Variants in FANCI observed in about 807,000 individuals in gnomAD.
FANCI encodes the protein FA complementation group I, also known as Fanconi anemia group I protein.
FANCI carries 156 observed loss-of-function variants against 176.1 expected under a neutral mutation model. The observed-to-expected ratio is 0.89, with a 90% CI of 0.78 to 1.01. FANCI has a LOEUF of 1.01. Among genes scored for constraint, FANCI ranks in the 50% least tolerant of loss-of-function variants. The pLI, the probability that FANCI is intolerant of heterozygous loss-of-function variation, is 0.00. For missense variants in FANCI, 1,678 were observed against 1,534.1 expected (o/e 1.09, Z -1.57); for synonymous variants, 613 against 541.7 (o/e 1.13, Z -1.83).
rs199615501 is a variant in FANCI at position 89,292,793 on chromosome 15, G to A, written c.2098G>A (p.Glu700Lys). 23 of 1,613,942 alleles carry A rather than the reference G, an allele frequency of 1.4e-5. No homozygotes were observed. Among genetic ancestry groups the A allele is most frequent in the Middle Eastern group, 1.6e-4 (1 of 6,084 alleles). ...AGAGGAGGAGGAAGAGGCATTCTACGAAGACCTAGATGATATATTGGAGTC... is the reference window on the plus strand; with the variant it reads ...AGAGGAGGAGGAAGAGGCATTCTACAAAGACCTAGATGATATATTGGAGTC... ...EEEEEEEAFYEDLDDILESIT... is the reference protein window; with the variant it reads ...EEEEEEEAFYKDLDDILESIT... Residue 700 changes from glutamate to lysine, a missense_variant, in exon 21 of 38, where the codon GAA becomes AAA. Glu to Lys is a moderately conservative substitution (Grantham distance 56, BLOSUM62 1). Around this residue, in one of 3 missense-constraint regions of FANCI, gnomAD observed 1,204 missense variants for 1,077.4 expected, o/e 1.12. Coordinates refer to ENST00000310775, the MANE Select transcript of FANCI (RefSeq NM_001113378.2).
At chr15:89,267,787 C>T (rs901174474) in intron 9 of FANCI, among the ~76,000 whole-genome samples, 1 of 152,128 alleles carries the variant, frequency 6.6e-6, no homozygotes, top group Non-Finnish European at 1.5e-5. Flanking sequence ...ATTAGCCGGG[C>T]ATAGTGGCAC....
At chr15:89,253,479 C>T (rs552525603) in intron 2 of FANCI, among the ~76,000 whole-genome samples, 4 of 151,934 alleles carry the variant, frequency 2.6e-5, no homozygotes, top group Admixed American at 2.0e-4. Context: ...TGCCACTGCA[C>T]TTCAACGGGT....
chr15:89,259,775 T>C lies in FANCI; in HGVS notation c.158-938T>C, dbSNP rs146970691. On this transcript the variant is annotated intron_variant, in intron 3 of 37. Transcript: ENST00000310775. ...TATGGTCCTTTGTGACTGACTTCTTTCGTTTATAATGTTACAAAGGTTCCT... is the reference window on the plus strand; with the variant it reads ...TATGGTCCTTTGTGACTGACTTCTTCCGTTTATAATGTTACAAAGGTTCCT... Among the ~76,000 whole-genome samples, 4 of 152,366 alleles carry C rather than the reference T, an allele frequency of 2.6e-5. No individual in the cohort carries two copies. The East Asian group carries it at 7.7e-4, about 29-fold the overall frequency.
chr15:89,285,503 C>T (rs1008620363), intron 18 of FANCI, among the ~76,000 whole-genome samples: 3 of 152,038 alleles, frequency 2.0e-5, no homozygotes, highest in Non-Finnish European at 2.9e-5. Context: ...GGCATGCGCC[C>T]GTGGTCCCAG....
intron 11 of FANCI, 82 bp from the exon 12 acceptor site, chr15:89,274,086 T>C: frequency 9.0e-7 from 1 of 1,117,170 alleles, no homozygotes; most frequent in South Asian, 1.5e-5. Context: ...ATTTGCTTTA[T>C]TTTCTTATTT....
At position 89,282,344 on chromosome 15, in the gene FANCI, G is replaced by C. The variant is rs374044119; in HGVS notation, c.1583+509G>C. ...CTGAATTATGATCTAGAGGCTAGTA[G>C]ATCAAATTAATTGTTGAGGGGAATG... On this transcript the variant is annotated intron_variant, in intron 16 of 37. Transcript: ENST00000310775. The C allele has an allele frequency of 2.4e-5, 4 of 168,162 alleles. No individual in the cohort carries two copies. The East Asian group carries it at 6.4e-4, about 27-fold the overall frequency. The allele number at this position is 168,162 out of a possible 1,614,324, so 10.4% of individuals were successfully genotyped here. A position where few individuals can be genotyped will look rare whatever the true frequency, so the allele number is the denominator to read the frequency against.
chr15:89,315,270 A>C lies in FANCI; in HGVS notation c.3817-12A>C. 6.2e-7 allele frequency: 1 copy of C among 1,602,944 alleles called. No individual in the cohort carries two copies. The highest frequency in any genetic ancestry group is 8.5e-7 in the Non-Finnish European group (1 of 1,169,766). On this transcript the variant is annotated splice_polypyrimidine_tract_variant and intron_variant, in intron 36 of 37. Transcript: ENST00000310775. ...AGTAGGGAGATGTCCCATGCTTACAATCTTGTCATAGGTGAACCTGATGCA... is the reference window on the plus strand; with the variant it reads ...AGTAGGGAGATGTCCCATGCTTACACTCTTGTCATAGGTGAACCTGATGCA...
At chr15:89,295,487 G>A (rs1016395949) in intron 24 of FANCI, among the ~76,000 whole-genome samples, 5 of 151,944 alleles carry the variant, frequency 3.3e-5, no homozygotes, top group Non-Finnish European at 5.9e-5. Flanking sequence ...CCAACATGGA[G>A]AAACCCTATC....
Position 89,244,520 on chromosome 15 carries a change from G to T in FANCI, c.-20+487G>T, listed in dbSNP as rs374538852. 4.3e-4 allele frequency among the ~76,000 whole-genome samples: 66 copies of T among 152,268 alleles called. No homozygotes were observed. The East Asian group carries it at 7.9e-3, about 18-fold the overall frequency. ...TCTCTTGGCAAGGAATCTACTTCGC[G>T]TTCAGGGAATTCACAGCCACCCGCC... On this transcript the variant is annotated intron_variant, in intron 1 of 37. Coordinates refer to ENST00000310775, the MANE Select transcript of FANCI (RefSeq NM_001113378.2).
In FANCI at chr15:89,308,776, C is replaced by T. The variant is rs530613552; in HGVS notation, c.3651+1104C>T. On this transcript the variant is annotated intron_variant, in intron 34 of 37. Coordinates refer to ENST00000310775, the MANE Select transcript of FANCI (RefSeq NM_001113378.2). ...CCTGGCCAACATGGTGAAACCCCAT[C>T]TCTACAAAAAATACAAAAAATTAGC... 4.6e-5 allele frequency among the ~76,000 whole-genome samples: 7 copies of T among 152,140 alleles called. No individual in the cohort carries two copies. The East Asian group carries it at 1.4e-3, about 29-fold the overall frequency.
chr15:89,274,009 G>C (rs1334466599), intron 11 of FANCI, among the ~76,000 whole-genome samples, 159 bp from the exon 12 acceptor site: 1 of 152,094 alleles, frequency 6.6e-6, no homozygotes, highest in East Asian at 1.9e-4. Flanking sequence ...TTGTCATAGG[G>C]ATATATGTGA....
In FANCI at chr15:89,264,128, C is replaced by T. The variant is rs1368545181; in HGVS notation, c.669+102C>T. The T allele has an allele frequency of 1.2e-5, 15 of 1,277,080 alleles. No homozygotes were observed. In the East Asian group the frequency reaches 1.4e-4, roughly 12 times the overall value. 79.1% of individuals were successfully genotyped at this position (1,277,080 alleles called of 1,614,324 possible). On this transcript the variant is annotated intron_variant, in intron 8 of 37. Transcript: ENST00000310775. ...GTTTATATAGCAGAGCAAACATAGC[C>T]GAACATAGATGCTTTCATTTCACGT... is the stretch of plus-strand genomic sequence containing the variant.
chr15:89,313,304 AC>A (rs2055042661), intron 35 of FANCI, among the ~76,000 whole-genome samples: 1 of 152,204 alleles, frequency 6.6e-6, no homozygotes, highest in South Asian at 2.1e-4. Context: ...TATATGAATT[AC>A]AGCTCTATCA....
intron 2 of FANCI, among the ~76,000 whole-genome samples, chr15:89,253,832 A>G (rs2052378048): frequency 6.6e-6 from 1 of 151,784 alleles, no homozygotes; most frequent in Non-Finnish European, 1.5e-5. Context: ...GGCAAAAAAC[A>G]TGAGAATAAT....
At chr15:89,287,929 G>T (rs181519020) in intron 18 of FANCI, among the ~76,000 whole-genome samples, 253 of 152,068 alleles carry the variant, frequency 1.7e-3, no homozygotes, top group African/African-American at 5.7e-3. Flanking sequence ...ATTTATCATA[G>T]ATCCCCATAA....
At chr15:89,252,962 T>C (rs2052327034) in intron 2 of FANCI, among the ~76,000 whole-genome samples, 1 of 152,182 alleles carries the variant, frequency 6.6e-6, no homozygotes, top group African/African-American at 2.4e-5. Flanking sequence ...GCAAAATTCA[T>C]ATAGCAAATT....
intron 10 of FANCI, among the ~76,000 whole-genome samples, chr15:89,270,118 A>AT (rs201661946): frequency 1.7e-4 from 25 of 149,634 alleles, no homozygotes; most frequent in South Asian, 6.3e-4. Flanking sequence ...CCTTCCTTTG[A>AT]TTTTTTTTTT....
chr15:89,292,841 A>C lies in FANCI; in HGVS notation c.2146A>C (p.Ser716Arg), dbSNP rs376641420. Reference sequence around the variant, plus strand: ...GTCCATTACTAATAGAATGATTAAGAGTGAGCTGGAAGACTTTGAACTGGT... The same window carrying C: ...GTCCATTACTAATAGAATGATTAAGCGTGAGCTGGAAGACTTTGAACTGGT... ...LESITNRMIKSELEDFELDKS... is the reference protein window; with the variant it reads ...LESITNRMIKRELEDFELDKS... The change falls in exon 21 of 38, where the codon AGT becomes CGT. Residue 716 changes from serine (S) to arginine (R), a missense_variant. Coordinates refer to ENST00000310775, the MANE Select transcript of FANCI (RefSeq NM_001113378.2). 6.2e-7 allele frequency: 1 copy of C among 1,614,022 alleles called. No individual in the cohort carries two copies. The highest frequency in any genetic ancestry group is 1.3e-5 in the African/African-American group (1 of 74,916).
intron 12 of FANCI, 139 bp from the exon 13 acceptor site, chr15:89,276,572 T>C: frequency 5.8e-6 from 5 of 855,252 alleles, no homozygotes. Context: ...TCAGACGATG[T>C]GTGTAAAGAA....
Sources: allele counts gnomAD v4.1 joint callset (sites outside exome capture counted in the v4.1 genomes callset), GRCh38; gene constraint gnomAD v4.1.1; regional missense constraint gnomAD v4.1.1; transcripts MANE v1.5; gene names NCBI Gene and HGNC (gene_info 2026-07-23, HGNC 2026-07-21).